IGLL5: variants seen among roughly 807,000 people sequenced by gnomAD.
IGLL5 encodes immunoglobulin lambda like polypeptide 5.
In IGLL5, 30 loss-of-function variants were observed where a neutral mutation model predicts 20.9. The observed-to-expected ratio is 1.44, with a 90% CI of 1.07 to 1.95. IGLL5 has a LOEUF of 1.95. Ranked by LOEUF, IGLL5 falls within the 30% of genes most tolerant of loss-of-function variation. The pLI is 0.00. For synonymous variants in IGLL5, 203 were observed against 117.3 expected (o/e 1.73, Z -4.72); for missense variants, 475 against 270.7 (o/e 1.75, Z -5.30).
chr22:22,888,784 G>C (rs953679722), intron 1 of IGLL5, among the ~76,000 whole-genome samples: 2 of 151,464 alleles, frequency 1.3e-5, no homozygotes, highest in South Asian at 2.1e-4. Context: ...AAGGACACAG[G>C]GAGGGTGGGA....
chr22:22,890,996 A>C (rs2067828575), intron 1 of IGLL5, among the ~76,000 whole-genome samples: 1 of 151,114 alleles, frequency 6.6e-6, no homozygotes, highest in Non-Finnish European at 1.5e-5. Flanking sequence ...TTGGGATTTT[A>C]ACCACTTGTT....
intron 2 of IGLL5, among the ~76,000 whole-genome samples, chr22:22,894,212 A>C (rs1601624598): frequency 2.0e-5 from 3 of 151,292 alleles, no homozygotes; most frequent in African/African-American, 7.3e-5. Context: ...GCTGAGTCTC[A>C]TAGTCTAGGG....
At chr22:22,893,359 G>A (rs2067907506) in intron 1 of IGLL5, among the ~76,000 whole-genome samples, 1 of 151,116 alleles carries the variant, frequency 6.6e-6, no homozygotes, top group South Asian at 2.1e-4. Flanking sequence ...AGCCAGCCTG[G>A]CTTCACTGGG....
At chr22:22,888,487 C>A in intron 1 of IGLL5, among the ~76,000 whole-genome samples, 1 of 151,400 alleles carries the variant, frequency 6.6e-6, no homozygotes, top group Admixed American at 6.6e-5. Context: ...TCTGAGTTTT[C>A]TGGCGCCACT....
chr22:22,894,257 A>C lies in IGLL5; in HGVS notation c.325+439A>C, dbSNP rs544679600. Among the ~76,000 whole-genome samples the C allele has an allele frequency of 2.0e-5, 3 of 150,072 alleles. 1 individual carries two copies. Among genetic ancestry groups the C allele is most frequent in the East Asian group, 2.1e-4 (1 of 4,724 alleles). The stretch of plus-strand genomic sequence containing the variant: ...CAAGAACAGCTGAGGGTCTAGGCTG[A>C]GGACTGGATGCCAATCCAGCCTGGG... On this transcript the variant is annotated intron_variant, in intron 2 of 2. Transcript: ENST00000526893.
At position 22,889,120 on chromosome 22, in the gene IGLL5, C is replaced by T. The variant is rs181345606; in HGVS notation, c.206+861C>T. 1.1e-4 allele frequency among the ~76,000 whole-genome samples: 16 copies of T among 151,088 alleles called. 1 individual carries two copies. Among genetic ancestry groups the T allele is most frequent in the East Asian group, 6.1e-4 (3 of 4,880 alleles). ...AGATTTGTGTTTTTGGAAAAATCAG[C>T]ACCGGATTGGAGGCTGATGCGACGC... On this transcript the variant is annotated intron_variant, in intron 1 of 2. Transcript: ENST00000526893.
In IGLL5 at chr22:22,893,753, G is replaced by T; in HGVS notation, c.260G>T (p.Gly87Val). The T allele has an allele frequency of 6.2e-7, 1 of 1,608,796 alleles. No homozygotes were observed. Among genetic ancestry groups the T allele is most frequent in the South Asian group, 1.1e-5 (1 of 90,756 alleles). The change falls in exon 2 of 3, where the codon GGG (glycine) becomes GTG (valine). Residue 87 changes from glycine to valine, a missense_variant. By Grantham distance (109) the Gly-to-Val change is moderately radical (BLOSUM62 -3). Transcript: ENST00000526893. ...QRADPRCWPR[G>V]FWSEPQSLCY... The stretch of plus-strand genomic sequence containing the variant: ...GCAGACCCCAGGTGCTGGCCCCGGG[G>T]GTTTTGGTCTGAGCCTCAGTCACTG...
Position 22,888,974 on chromosome 22 carries a change from G to C in IGLL5, c.206+715G>C, listed in dbSNP as rs1351591940. ...AGCGTCAGAGGAGAGGAGAGCACAG[G>C]ATGAGGCTGGGAGCTCCTGGGTGAC... is the stretch of plus-strand genomic sequence containing the variant. On this transcript the variant is annotated intron_variant, in intron 1 of 2. Coordinates refer to ENST00000526893, the MANE Select transcript of IGLL5 (RefSeq NM_001178126.2). 4.6e-5 allele frequency among the ~76,000 whole-genome samples: 7 copies of C among 151,380 alleles called. 1 individual carries two copies. The highest frequency in any genetic ancestry group is 9.7e-5 in the African/African-American group (4 of 41,314).
chr22:22,894,212 A>T (rs1601624598), intron 2 of IGLL5, among the ~76,000 whole-genome samples: 2 of 151,296 alleles, frequency 1.3e-5, no homozygotes, highest in Admixed American at 6.6e-5. Flanking sequence ...GCTGAGTCTC[A>T]TAGTCTAGGG....
chr22:22,895,759 T>C lies in IGLL5; in HGVS notation c.*65T>C, dbSNP rs2066754850. 16 of 1,491,022 alleles carry C rather than the reference T, an allele frequency of 1.1e-5. No homozygotes were observed. Among genetic ancestry groups the C allele is most frequent in the East Asian group, 2.3e-5 (1 of 44,044 alleles). 92.4% of individuals were successfully genotyped at this position (1,491,022 alleles called of 1,614,324 possible). Reference sequence around the variant, plus strand: ...CAGGATCCCAGGGGAGGGGTCTCTCTCCCCATCCCAAGTCATCCAGCCCTT... The same window carrying C: ...CAGGATCCCAGGGGAGGGGTCTCTCCCCCCATCCCAAGTCATCCAGCCCTT... On this transcript the variant is annotated 3_prime_UTR_variant, in exon 3 of 3. Coordinates refer to ENST00000526893, the MANE Select transcript of IGLL5 (RefSeq NM_001178126.2).
chr22:22,894,299 G>T (rs1601625405), intron 2 of IGLL5, among the ~76,000 whole-genome samples: 1 of 151,388 alleles, frequency 6.6e-6, no homozygotes, highest in Middle Eastern at 3.8e-3. Flanking sequence ...ACACGGCCTG[G>T]TGACACAGAG....
intron 2 of IGLL5, among the ~76,000 whole-genome samples, chr22:22,894,452 C>T (rs2068033570): frequency 6.6e-6 from 1 of 151,514 alleles, no homozygotes; most frequent in East Asian, 2.0e-4. Context: ...CCAACCCTCC[C>T]AGGACAGTCA....
intron 1 of IGLL5, among the ~76,000 whole-genome samples, chr22:22,890,847 T>G (rs2146011205): frequency 6.6e-6 from 1 of 151,298 alleles, no homozygotes; most frequent in East Asian, 2.0e-4. Context: ...TATTGTGTAT[T>G]TTATTACTGG....
At chr22:22,891,454 G>A (rs73880718) in intron 1 of IGLL5, among the ~76,000 whole-genome samples, 1 of 151,204 alleles carries the variant, frequency 6.6e-6, no homozygotes, top group South Asian at 2.1e-4. Context: ...GGTATGTTCG[G>A]TAACTGGTAG....
intron 2 of IGLL5, 112 bp downstream of exon 2, chr22:22,893,930 C>A (rs2067950498): frequency 2.5e-6 from 2 of 800,030 alleles, no homozygotes; most frequent in African/African-American, 1.7e-5. Flanking sequence ...TAAGCACTGA[C>A]CCTTACCTTT....
At chr22:22,888,369 G>C in intron 1 of IGLL5, 110 bp downstream of exon 1, 1 of 979,358 alleles carries the variant, frequency 1.0e-6, no homozygotes, top group East Asian at 2.7e-5. Context: ...ACCCCTAAGA[G>C]GGGCCTGGGC....
Position 22,895,358 on chromosome 22 carries a change from C to A in IGLL5, c.326-17C>A. The A allele has an allele frequency of 1.2e-6, 2 of 1,610,434 alleles. No homozygotes were observed. The highest frequency in any genetic ancestry group is 2.7e-5 in the African/African-American group (2 of 74,814). On this transcript the variant is annotated splice_polypyrimidine_tract_variant and intron_variant, in intron 2 of 2. Coordinates refer to ENST00000526893, the MANE Select transcript of IGLL5 (RefSeq NM_001178126.2). ...TATTCTGTCTGCCCTCTCTCACCCC[C>A]TTCCCTGTCCACACAGGTCAGCCCA...
At chr22:22,893,888 CTG>C in intron 2 of IGLL5, 70 bp downstream of exon 2, 2 of 1,047,258 alleles carry the variant, frequency 1.9e-6, no homozygotes, top group South Asian at 1.3e-5. Context: ...TTTTCTCTCT[CTG>C]GGGCTTCCTC....
At chr22:22,894,179 C>T (rs2067993676) in intron 2 of IGLL5, among the ~76,000 whole-genome samples, 3 of 151,494 alleles carry the variant, frequency 2.0e-5, no homozygotes, top group East Asian at 2.0e-4. Flanking sequence ...AGGACAGAGG[C>T]TGCTGGGGTG....
Sources: allele counts gnomAD v4.1 joint callset (sites outside exome capture counted in the v4.1 genomes callset), GRCh38; gene constraint gnomAD v4.1.1; transcripts MANE v1.5; gene names NCBI Gene and HGNC (gene_info 2026-07-23, HGNC 2026-07-21).